The following LIN54 variants were observed in gnomAD, a reference collection of about 807,000 sequenced individuals.
The protein encoded by LIN54 is lin-54 DREAM MuvB core complex component, also known as protein lin-54 homolog.
In LIN54, 9 loss-of-function variants were observed where a neutral mutation model predicts 78.7. The ratio of observed to expected loss-of-function variants is 0.11; its 90% CI spans 0.07 to 0.20. The LOEUF (loss-of-function observed/expected upper bound fraction) is 0.20, where lower values mean the gene tolerates loss of function less well. LIN54 is among the 10% of genes least tolerant of loss of function. The pLI is 1.00. For synonymous variants in LIN54, 269 were observed against 318.4 expected, an observed-to-expected ratio of 0.84 and a Z score of 1.65; for missense variants, 573 against 889.9, an observed-to-expected ratio of 0.64 and a Z score of 4.53.
At chr4:83,002,841 C>A (rs1013321004) in intron 1 of LIN54, among the ~76,000 whole-genome samples, 3 of 152,140 alleles carry the variant, frequency 2.0e-5, no homozygotes, top group African/African-American at 7.2e-5. Context: ...TTCTGGTCAA[C>A]AATAGGCTAT....
intron 1 of LIN54, among the ~76,000 whole-genome samples, chr4:83,003,849 G>A (rs758687570): frequency 4.6e-5 from 7 of 152,070 alleles, no homozygotes; most frequent in Non-Finnish European, 7.4e-5. Context: ...AAAAAGAAAG[G>A]TTTGTATTTT....
At chr4:82,944,755 T>C (rs1467088263) in intron 5 of LIN54, 2 of 152,184 alleles carry the variant, frequency 1.3e-5, no homozygotes, top group African/African-American at 4.8e-5. Context: ...TACTCAAGTA[T>C]AGCAGTAAGA....
intron 2 of LIN54, among the ~76,000 whole-genome samples, chr4:82,981,990 G>A (rs2126084480): frequency 6.6e-6 from 1 of 152,232 alleles, no homozygotes; most frequent in Admixed American, 6.5e-5. Flanking sequence ...AGCACCCACT[G>A]CACTCCAGAC....
intron 5 of LIN54, among the ~76,000 whole-genome samples, chr4:82,945,844 G>A (rs1160914944): frequency 6.6e-6 from 1 of 152,132 alleles, no homozygotes; most frequent in East Asian, 1.9e-4. Flanking sequence ...AGTAAAAGCT[G>A]AAAGTGACAT....
Position 82,984,761 on chromosome 4 carries a change from A to C in LIN54, c.84T>G (p.Ser28Arg). ...DTGITLVDDD[S>R]IEAVIVSSPI... ...GGGATGAAACAATAACAGCCTCAATACTATCATCATCCACTAAAGTTATAC... is the reference window on the plus strand; with the variant it reads ...GGGATGAAACAATAACAGCCTCAATCCTATCATCATCCACTAAAGTTATAC... Residue 28 changes from serine (S) to arginine (R), a missense_variant, in exon 2 of 13, where the codon AGT becomes AGG. By Grantham distance (110) the Ser-to-Arg change is moderately radical. Around this residue, in one of 6 missense-constraint regions of LIN54, gnomAD observed 183 missense variants for 228.4 expected, o/e 0.80. Transcript: ENST00000340417. The C allele has an allele frequency of 1.2e-6, 2 of 1,613,940 alleles. No individual in the cohort carries two copies. The highest frequency in any genetic ancestry group is 1.7e-6 in the Non-Finnish European group (2 of 1,179,828).
intron 1 of LIN54, among the ~76,000 whole-genome samples, chr4:82,991,665 T>C (rs1302370094): frequency 6.6e-6 from 1 of 152,206 alleles, no homozygotes; most frequent in African/African-American, 2.4e-5. Context: ...AGTTTACGTC[T>C]TTCCCAATTT....
At chr4:82,959,888 A>G (rs1724649781) in intron 4 of LIN54, among the ~76,000 whole-genome samples, 1 of 152,186 alleles carries the variant, frequency 6.6e-6, no homozygotes, top group Non-Finnish European at 1.5e-5. Context: ...CAAAAATTAC[A>G]TTATGTTCTA....
At chr4:82,942,298 G>A (rs1309824173) in intron 5 of LIN54, among the ~76,000 whole-genome samples, 1 of 152,128 alleles carries the variant, frequency 6.6e-6, no homozygotes, top group Admixed American at 6.5e-5. Context: ...AGCAGGAGAC[G>A]TCTAGAGAGA....
chr4:83,005,166 G>A (rs547854199), intron 1 of LIN54, among the ~76,000 whole-genome samples: 136 of 152,000 alleles, frequency 8.9e-4, no homozygotes, highest in Non-Finnish European at 1.7e-3. Flanking sequence ...GAAGTGCTAG[G>A]ATTACAGGCA....
intron 1 of LIN54, among the ~76,000 whole-genome samples, chr4:82,994,386 TG>T (rs1319858987): frequency 6.6e-6 from 1 of 150,964 alleles, no homozygotes; most frequent in African/African-American, 2.4e-5. Context: ...GAATCCTCCT[TG>T]TGCATTTTAA....
In LIN54 at chr4:83,010,823, T is replaced by C. The variant is rs945376895; in HGVS notation, c.-372A>G. 1 of 1,231,496 alleles carries C rather than the reference T, an allele frequency of 8.1e-7. No individual in the cohort carries two copies. The highest frequency in any genetic ancestry group is 1.6e-5 in the African/African-American group (1 of 64,060). 76.3% of individuals were successfully genotyped at this position (1,231,496 alleles called of 1,614,324 possible). On this transcript the variant is annotated 5_prime_UTR_variant, in exon 1 of 13. Transcript: ENST00000340417. ...CCGCCGCCGCCGCCGCCACCACCAG[T>C]AACCTCCCCCTTCCTCCTCCTCCCC...
Position 82,984,165 on chromosome 4 carries a change from A to C in LIN54, c.680T>G (p.Val227Gly), listed in dbSNP as rs1401139922. The C allele has an allele frequency of 6.3e-7, 1 of 1,595,926 alleles. No individual in the cohort carries two copies. Among genetic ancestry groups the C allele is most frequent in the South Asian group, 1.1e-5 (1 of 88,228 alleles). ...SVLQTQQLKT[V>G]QIAKKPRTPT... ...AAGCCCCCTTTTTTCTTTTACCTGTACTGTTTTTAACTGTTGGGTCTGTAA... is the reference window on the plus strand; with the variant it reads ...AAGCCCCCTTTTTTCTTTTACCTGTCCTGTTTTTAACTGTTGGGTCTGTAA... The change falls in exon 2 of 13, where the codon GTA (valine) becomes GGA (glycine). Residue 227 changes from valine to glycine, a missense_variant. Physicochemically the swap from Val to Gly is moderately radical, Grantham distance 109. This residue lies in a region of LIN54 where 199 missense variants were observed against 260.9 expected (regional missense o/e 0.76). Transcript: ENST00000340417.
intron 9 of LIN54, among the ~76,000 whole-genome samples, chr4:82,936,998 AACCCCT>A (rs1244014724): frequency 6.6e-6 from 1 of 152,216 alleles, no homozygotes; most frequent in African/African-American, 2.4e-5. Context: ...CTATGTCCCT[AACCCCT>A]ACTCCAGTGA....
intron 1 of LIN54, among the ~76,000 whole-genome samples, chr4:82,996,156 C>A (rs1047124572): frequency 6.6e-6 from 1 of 151,854 alleles, no homozygotes; most frequent in African/African-American, 2.4e-5. Context: ...CTGGGCATGG[C>A]AGGAAAGGGT....
intron 1 of LIN54, among the ~76,000 whole-genome samples, chr4:82,992,616 G>A (rs543563505): frequency 3.9e-5 from 6 of 152,266 alleles, no homozygotes; most frequent in South Asian, 2.1e-4. Context: ...ACACAGTGGC[G>A]TGAACACGAC....
intron 5 of LIN54, among the ~76,000 whole-genome samples, chr4:82,942,372 G>A (rs1283797694): frequency 6.6e-6 from 1 of 152,182 alleles, no homozygotes; most frequent in Admixed American, 6.5e-5. Flanking sequence ...TGAATGGTAT[G>A]CTTTGAAAGG....
intron 5 of LIN54, among the ~76,000 whole-genome samples, chr4:82,940,453 T>C (rs999809234): frequency 1.3e-5 from 2 of 152,086 alleles, no homozygotes; most frequent in African/African-American, 4.8e-5. Flanking sequence ...AGTGTAGTGG[T>C]GCAATCTCAG....
At chr4:82,973,524 A>T (rs1725859991) in intron 3 of LIN54, among the ~76,000 whole-genome samples, 1 of 152,212 alleles carries the variant, frequency 6.6e-6, no homozygotes. Flanking sequence ...GTATTCTCCA[A>T]GAATCAAAAG....
Position 82,985,703 on chromosome 4 carries a change from G to A in LIN54, c.-32-827C>T, listed in dbSNP as rs183853357. Among the ~76,000 whole-genome samples the A allele has an allele frequency of 6.7e-3, 1,013 of 152,276 alleles. 12 individuals are homozygous for A. Among genetic ancestry groups the A allele is most frequent in the African/African-American group, 0.023 (963 of 41,538 alleles). ...TTACAGGCGCCTGCCACCAAGCCGG[G>A]CTAATTTTTGTACTTTTAGTAGAGA... On this transcript the variant is annotated intron_variant, in intron 1 of 12. Coordinates refer to ENST00000340417, the MANE Select transcript of LIN54 (RefSeq NM_194282.4).
Sources: gnomAD v4.1 joint callset for allele counts (sites outside exome capture counted in the v4.1 genomes callset) on GRCh38, gnomAD v4.1.1 for gene constraint, gnomAD v4.1.1 regional missense constraint, MANE v1.5 for transcripts, NCBI Gene and HGNC (gene_info 2026-07-23, HGNC 2026-07-21) for gene names.